G3BP2: variants seen among roughly 807,000 people sequenced by gnomAD.
The protein encoded by G3BP2 is ras GTPase-activating protein-binding protein 2.
A neutral mutation model predicts 56.7 loss-of-function variants in G3BP2; 11 were observed. The ratio of observed to expected loss-of-function variants is 0.19; its 90% CI spans 0.12 to 0.32. The LOEUF is 0.32. Ranked by LOEUF, G3BP2 falls within the 10% of genes least tolerant of loss-of-function variation. The pLI, the probability that G3BP2 is intolerant of heterozygous loss-of-function variation, is 1.00. For missense variants in G3BP2, 340 were observed against 610.9 expected, an observed-to-expected ratio of 0.56 and a Z score of 4.67; for synonymous variants, 165 against 191.6, an observed-to-expected ratio of 0.86 and a Z score of 1.15.
intron 7 of G3BP2, 97 bp downstream of exon 7, chr4:75,654,969 C>T: frequency 1.3e-6 from 1 of 772,480 alleles, no homozygotes. Context: ...AAATAATTTA[C>T]TAAACAATTT....
At chr4:75,648,615 A>C (rs1731423739) in intron 9 of G3BP2, 24 bp downstream of exon 9, 1 of 1,186,706 alleles carries the variant, frequency 8.4e-7, no homozygotes, top group Non-Finnish European at 1.3e-6. Flanking sequence ...TTAAATGCTA[A>C]AGGCTATAAA....
At chr4:75,649,044 CA>C (rs5859471) in intron 8 of G3BP2, 117,687 of 170,524 alleles carry the variant, frequency 0.69, 40,128 homozygotes, top group East Asian at 0.81. Flanking sequence ...GTATTGCTAC[CA>C]AAAAAAAAAA....
In G3BP2 at chr4:75,652,918, G is replaced by C. The variant is rs141004567; in HGVS notation, c.825+1065C>G. ...CTCTCTGAAATGAAATAATCCAAAG[G>C]TTCCAAATCCAAATCTGATAGGAAA... On this transcript the variant is annotated intron_variant, in intron 8 of 11. Coordinates refer to ENST00000359707, the MANE Select transcript of G3BP2 (RefSeq NM_203505.3). 4.6e-5 allele frequency among the ~76,000 whole-genome samples: 7 copies of C among 152,108 alleles called. No homozygotes were observed. In the East Asian group the frequency reaches 5.8e-4, roughly 13 times the overall value.
At chr4:75,721,580 C>T (rs1332137497) in intron 2 of G3BP2, among the ~76,000 whole-genome samples, 2 of 151,986 alleles carry the variant, frequency 1.3e-5, no homozygotes, top group Admixed American at 6.6e-5. Flanking sequence ...ACTGAAGGGG[C>T]TTATAACCTA....
intron 1 of G3BP2, among the ~76,000 whole-genome samples, chr4:75,665,629 AC>A (rs1732959386): frequency 1.1e-4 from 1 of 8,892 alleles, no homozygotes. Context: ...ACACACAAAC[AC>A]ACACACACAC....
At chr4:75,686,997 G>A (rs1718640373) in intron 3 of G3BP2, among the ~76,000 whole-genome samples, 1 of 152,168 alleles carries the variant, frequency 6.6e-6, no homozygotes, top group South Asian at 2.1e-4. Flanking sequence ...GGAGACTGAG[G>A]CAGGAGGATT....
chr4:75,703,122 G>A (rs528381753), intron 3 of G3BP2, among the ~76,000 whole-genome samples: 2 of 152,206 alleles, frequency 1.3e-5, no homozygotes, highest in Non-Finnish European at 2.9e-5. Flanking sequence ...GCAGCCTTCT[G>A]ATTGTAATCT....
At chr4:75,697,290 AAAAAAAAAAAAG>A (rs59553473) in intron 3 of G3BP2, among the ~76,000 whole-genome samples, 17,639 of 138,820 alleles carry the variant, frequency 0.13, 2,460 homozygotes, top group African/African-American at 0.25. Context: ...AAAAAAAAAA[AAAAAAAAAAAAG>A]ATCATGAAAT....
chr4:75,684,031 T>C (rs1305881179), intron 3 of G3BP2, among the ~76,000 whole-genome samples: 3 of 152,068 alleles, frequency 2.0e-5, no homozygotes, highest in African/African-American at 4.8e-5. Flanking sequence ...AATGAGTAAT[T>C]CAAGGAATAA....
intron 3 of G3BP2, among the ~76,000 whole-genome samples, chr4:75,682,889 CAGG>C (rs1734134939): frequency 6.6e-6 from 1 of 151,276 alleles, no homozygotes; most frequent in African/African-American, 2.4e-5. Context: ...AAGGCTGAAG[CAGG>C]AGAATTGCTT....
At chr4:75,716,843 T>C (rs1719949188) in intron 3 of G3BP2, among the ~76,000 whole-genome samples, 1 of 152,118 alleles carries the variant, frequency 6.6e-6, no homozygotes, top group Admixed American at 6.6e-5. Context: ...CACCCACAAC[T>C]AGTATGGTGT....
At chr4:75,648,955 C>G (rs932448026) in intron 8 of G3BP2, 1 of 371,884 alleles carries the variant, frequency 2.7e-6, no homozygotes, top group African/African-American at 2.0e-5. Flanking sequence ...CCACTTAATG[C>G]TGTGTAACTC....
intron 3 of G3BP2, among the ~76,000 whole-genome samples, chr4:75,698,417 C>G (rs1286157463): frequency 6.6e-6 from 1 of 152,156 alleles, no homozygotes; most frequent in East Asian, 1.9e-4. Context: ...CCTGCTGACA[C>G]CTAGAGGTTA....
chr4:75,677,745 A>T (rs1733932431), upstream of G3BP2, among the ~76,000 whole-genome samples: 1 of 152,184 alleles, frequency 6.6e-6, no homozygotes, highest in South Asian at 2.1e-4. Context: ...TTAAACTTTT[A>T]AGGCTTGCAA....
At chr4:75,676,375 C>T (rs1733878674), upstream of G3BP2, among the ~76,000 whole-genome samples, 1 of 132,774 alleles carries the variant, frequency 7.5e-6, no homozygotes, top group East Asian at 2.2e-4. Context: ...TGGAGTCTCG[C>T]TCTGTCATCC....
At chr4:75,715,004 C>G (rs1377344371) in intron 3 of G3BP2, among the ~76,000 whole-genome samples, 1 of 152,178 alleles carries the variant, frequency 6.6e-6, no homozygotes, top group African/African-American at 2.4e-5. Flanking sequence ...CCAATTGATA[C>G]AGCAAAATTA....
chr4:75,717,643 G>T (rs944790343), intron 3 of G3BP2, among the ~76,000 whole-genome samples: 15 of 152,188 alleles, frequency 9.9e-5, no homozygotes, highest in African/African-American at 3.6e-4. Context: ...ATCACCCAAT[G>T]CGAACTTCAA....
chr4:75,667,067 G>A (rs544383187), intron 1 of G3BP2, among the ~76,000 whole-genome samples: 90 of 152,100 alleles, frequency 5.9e-4, no homozygotes, highest in African/African-American at 2.1e-3. Context: ...TGGGTGAATC[G>A]CTTGAGCTCA....
In G3BP2 at chr4:75,672,903, C is replaced by G. The variant is rs1354081886; in HGVS notation, c.-25+305G>C. ...TTCGGGAGCTGCTGCGTGCCTCCCC[C>G]CCCACTTCGCCACCTCATCCCCAAT... On this transcript the variant is annotated intron_variant, in intron 1 of 11. Transcript: ENST00000359707. 1.4e-5 allele frequency: 9 copies of G among 636,764 alleles called. No individual in the cohort carries two copies. In the East Asian group the frequency reaches 4.2e-4, roughly 29 times the overall value. 39.4% of individuals were successfully genotyped at this position (636,764 alleles called of 1,614,324 possible).
Sources: gnomAD v4.1 joint callset for allele counts (sites outside exome capture counted in the v4.1 genomes callset) on GRCh38, gnomAD v4.1.1 for gene constraint, MANE v1.5 for transcripts, NCBI Gene and HGNC (gene_info 2026-07-23, HGNC 2026-07-21) for gene names.